The following PRKN variants were observed in gnomAD, a reference collection of about 807,000 sequenced individuals.
PRKN encodes the protein E3 ubiquitin-protein ligase parkin.
In PRKN, 56 loss-of-function variants were observed where a neutral mutation model predicts 59.5. That is an observed-to-expected ratio of 0.94 (90% CI 0.76 to 1.18). The LOEUF (loss-of-function observed/expected upper bound fraction) is 1.18, where lower values mean the gene tolerates loss of function less well. PRKN is among the 50% of genes most tolerant of loss of function. PRKN has a pLI of 0.00. For missense variants in PRKN, 657 were observed against 596.4 expected (o/e 1.10, Z -1.06); for synonymous variants, 250 against 222.1 (o/e 1.13, Z -1.12).
intron 6 of PRKN, among the ~76,000 whole-genome samples, chr6:161,788,049 A>G (rs950777679): frequency 6.6e-5 from 10 of 152,212 alleles, no homozygotes; most frequent in Non-Finnish European, 1.0e-4. Flanking sequence ...TGGCCCAGAA[A>G]GCCATGGCTG....
At chr6:162,598,656 C>T (rs547516217) in intron 1 of PRKN, among the ~76,000 whole-genome samples, 12 of 151,994 alleles carry the variant, frequency 7.9e-5, no homozygotes, top group African/African-American at 2.9e-4. Flanking sequence ...AGTTTGAGAC[C>T]AGCCTGGCCA....
chr6:162,228,787 G>A (rs1778297362), intron 3 of PRKN, among the ~76,000 whole-genome samples: 3 of 152,110 alleles, frequency 2.0e-5, no homozygotes, highest in South Asian at 4.1e-4. Context: ...ATTATTTCCA[G>A]GTGTCTTTAA....
intron 1 of PRKN, among the ~76,000 whole-genome samples, chr6:162,450,573 T>A (rs1426255947): frequency 1.3e-5 from 2 of 152,162 alleles, no homozygotes; most frequent in African/African-American, 2.4e-5. Flanking sequence ...CTTGACACAG[T>A]GTGATGCAAT....
chr6:161,736,526 C>T lies in PRKN; in HGVS notation c.871+49246G>A, dbSNP rs370449802. Among the ~76,000 whole-genome samples the T allele has an allele frequency of 2.6e-5, 4 of 152,232 alleles. No homozygotes were observed. The East Asian group carries it at 5.8e-4, about 22-fold the overall frequency. Reference sequence around the variant, plus strand: ...GTTGCAACCAGCCTGCCATTCACTCCCTCCCCTTACCGGGGGCCATCCCCA... The same window carrying T: ...GTTGCAACCAGCCTGCCATTCACTCTCTCCCCTTACCGGGGGCCATCCCCA... On this transcript the variant is annotated intron_variant, in intron 7 of 11. Coordinates refer to ENST00000366898, the MANE Select transcript of PRKN (RefSeq NM_004562.3).
chr6:162,491,809 C>T (rs1005184420), intron 1 of PRKN, among the ~76,000 whole-genome samples: 3 of 152,182 alleles, frequency 2.0e-5, no homozygotes, highest in African/African-American at 7.2e-5. Flanking sequence ...GGGCATGGCT[C>T]CATGTCTTGA....
At chr6:162,591,671 G>T (rs1781312594) in intron 1 of PRKN, among the ~76,000 whole-genome samples, 1 of 151,904 alleles carries the variant, frequency 6.6e-6, no homozygotes, top group East Asian at 1.9e-4. Context: ...TCACCTTGAG[G>T]TATTGAATAC....
At position 161,786,027 on chromosome 6, in the gene PRKN, C is replaced by T. The variant is rs371709301; in HGVS notation, c.735-119G>A. Reference sequence around the variant, plus strand: ...TGTAGACTGTGCTCTGTGCAAAGACCGGAGCTGCTAAGCATTAAGCTCATG... The same window carrying T: ...TGTAGACTGTGCTCTGTGCAAAGACTGGAGCTGCTAAGCATTAAGCTCATG... On this transcript the variant is annotated intron_variant, in intron 6 of 11. Transcript: ENST00000366898. The T allele has an allele frequency of 5.0e-5, 50 of 995,786 alleles. No homozygotes were observed. The African/African-American group carries it at 6.1e-4, about 12-fold the overall frequency. 61.7% of individuals were successfully genotyped at this position (995,786 alleles called of 1,614,324 possible).
chr6:162,032,351 C>G (rs1263254296), intron 5 of PRKN, among the ~76,000 whole-genome samples: 3 of 152,066 alleles, frequency 2.0e-5, no homozygotes, highest in South Asian at 2.1e-4. Flanking sequence ...ATATACTTTT[C>G]TCTAAAAACC....
At chr6:162,547,133 C>G (rs1300289437) in intron 1 of PRKN, among the ~76,000 whole-genome samples, 1 of 152,174 alleles carries the variant, frequency 6.6e-6, no homozygotes, top group African/African-American at 2.4e-5. Context: ...CAGTCAGGAA[C>G]TTTCTGGTTT....
rs545826694 is a variant in PRKN at position 161,997,205 on chromosome 6, A to G, written c.619-23788T>C. 7.9e-5 allele frequency among the ~76,000 whole-genome samples: 12 copies of G among 152,206 alleles called. 1 individual carries two copies. Among genetic ancestry groups the G allele is most frequent in the Admixed American group, 7.9e-4 (12 of 15,264 alleles). On this transcript the variant is annotated intron_variant, in intron 5 of 11. Coordinates refer to ENST00000366898, the MANE Select transcript of PRKN (RefSeq NM_004562.3). ...TTTCCTTATATACATAGATCTGTAT[A>G]CTCATTAAATATAGTGACTTCTGCG...
intron 3 of PRKN, among the ~76,000 whole-genome samples, chr6:162,236,338 T>C (rs1778710303): frequency 6.6e-6 from 1 of 152,174 alleles, no homozygotes; most frequent in Non-Finnish European, 1.5e-5. Context: ...CTCTCTATCC[T>C]CAGAACCCTG....
At position 161,471,746 on chromosome 6, in the gene PRKN, C is replaced by G. The variant is rs989505593; in HGVS notation, c.1083+77108G>C. On this transcript the variant is annotated intron_variant, in intron 9 of 11. Transcript: ENST00000366898. The surrounding 1 kb of genome is among the most constrained non-coding windows in gnomAD (Gnocchi z 4.5). ...AATCCCAGTACTAGAATATATGTAA[C>G]AGCTATATTGGCTGTGGGAGTTATA... is the stretch of plus-strand genomic sequence containing the variant. 6.6e-6 allele frequency among the ~76,000 whole-genome samples: 1 copy of G among 152,152 alleles called. No individual in the cohort carries two copies. Among genetic ancestry groups the G allele is most frequent in the Non-Finnish European group, 1.5e-5 (1 of 68,012 alleles).
At chr6:162,575,895 G>T (rs868361582) in intron 1 of PRKN, among the ~76,000 whole-genome samples, 1 of 152,116 alleles carries the variant, frequency 6.6e-6, no homozygotes, top group Non-Finnish European at 1.5e-5. Context: ...GTACACTCTT[G>T]CAACAGTCCC....
intron 2 of PRKN, among the ~76,000 whole-genome samples, chr6:162,391,280 A>G (rs1787174645): frequency 6.6e-6 from 1 of 151,766 alleles, no homozygotes; most frequent in African/African-American, 2.4e-5. Context: ...AAAATCTGCA[A>G]TGACTTCCTC....
intron 7 of PRKN, among the ~76,000 whole-genome samples, chr6:161,728,388 A>G (rs769190294): frequency 3.9e-5 from 6 of 152,172 alleles, no homozygotes; most frequent in Non-Finnish European, 7.3e-5. Flanking sequence ...AACCAGTCAC[A>G]TTAGCCTACA....
intron 3 of PRKN, among the ~76,000 whole-genome samples, chr6:162,253,319 T>TAATCTA (rs1554291287): frequency 6.6e-6 from 1 of 152,132 alleles, no homozygotes; most frequent in African/African-American, 2.4e-5. Context: ...TAATCTAATC[T>TAATCTA]GTTTCTCCAT....
chr6:162,565,162 CTT>C (rs1288844793), intron 1 of PRKN, among the ~76,000 whole-genome samples: 1 of 152,096 alleles, frequency 6.6e-6, no homozygotes, highest in Non-Finnish European at 1.5e-5. Context: ...CTTTTTGTCT[CTT>C]TGTTTATGCA....
chr6:162,046,523 TAGC>T (rs758682946), intron 5 of PRKN, among the ~76,000 whole-genome samples: 2 of 152,260 alleles, frequency 1.3e-5, no homozygotes, highest in East Asian at 3.8e-4. Context: ...TGTTCTGTGA[TAGC>T]AGTGTGAACA....
intron 1 of PRKN, among the ~76,000 whole-genome samples, chr6:162,484,050 T>A (rs1346769346): frequency 1.3e-5 from 2 of 152,164 alleles, no homozygotes; most frequent in Non-Finnish European, 2.9e-5. Context: ...TAAAAAGATA[T>A]ATATGGTTGT....
Sources: allele counts gnomAD v4.1 joint callset (sites outside exome capture counted in the v4.1 genomes callset), GRCh38; gene constraint gnomAD v4.1.1; non-coding constraint Gnocchi (gnomAD v3.1); transcripts MANE v1.5; gene names NCBI Gene and HGNC (gene_info 2026-07-23, HGNC 2026-07-21).